Variants in MROH9 observed in about 807,000 individuals in gnomAD.
The protein encoded by MROH9 is maestro heat-like repeat-containing protein family member 9.
A neutral mutation model predicts 98.2 loss-of-function variants in MROH9; 92 were observed. The ratio of observed to expected loss-of-function variants is 0.94; its 90% CI spans 0.79 to 1.11. The LOEUF is 1.11. Ranked by LOEUF, MROH9 falls within the 50% of genes most tolerant of loss-of-function variation. MROH9 has a pLI of 0.00. For synonymous variants in MROH9, 397 were observed against 368.9 expected (o/e 1.08, Z -0.87); for missense variants, 1,057 against 1,014.8 (o/e 1.04, Z -0.57).
intron 7 of MROH9, among the ~76,000 whole-genome samples, chr1:170,965,655 C>T (rs1406419836): frequency 6.6e-6 from 1 of 152,058 alleles, no homozygotes; most frequent in Non-Finnish European, 1.5e-5. Context: ...CAAGTTCTTT[C>T]ATTGTGAAAC....
intron 3 of MROH9, among the ~76,000 whole-genome samples, chr1:170,957,072 C>A (rs1264720566): frequency 6.7e-6 from 1 of 148,688 alleles, no homozygotes; most frequent in Non-Finnish European, 1.5e-5. Context: ...GGATATTAAC[C>A]CCTTATCTGA....
At position 171,062,211 on chromosome 1, in the gene MROH9, T is replaced by C; in HGVS notation, c.2344+17T>C. Reference sequence around the variant, plus strand: ...TGCTTGATGGTGAGTATTGAGGTTATAACAAAATCTTTATGCATAAATCTA... The same window carrying C: ...TGCTTGATGGTGAGTATTGAGGTTACAACAAAATCTTTATGCATAAATCTA... On this transcript the variant is annotated intron_variant, in intron 21 of 21. Coordinates refer to ENST00000367759, the MANE Select transcript of MROH9 (RefSeq NM_001163629.2). 1 of 1,512,670 alleles carries C rather than the reference T, an allele frequency of 6.6e-7. No individual in the cohort carries two copies. Among genetic ancestry groups the C allele is most frequent in the Non-Finnish European group, 9.0e-7 (1 of 1,114,412 alleles). The allele number at this position is 1,512,670 out of a possible 1,614,324, so 93.7% of individuals were successfully genotyped here. A position where few individuals can be genotyped will look rare whatever the true frequency, so the allele number is the denominator to read the frequency against.
Position 170,986,560 on chromosome 1 carries a change from G to A in MROH9, c.730-1G>A, listed in dbSNP as rs1651139872. 6.2e-7 allele frequency: 1 copy of A among 1,612,372 alleles called. No homozygotes were observed. Among genetic ancestry groups the A allele is most frequent in the Non-Finnish European group, 8.5e-7 (1 of 1,179,228 alleles). On this transcript the variant is annotated splice_acceptor_variant, in intron 9 of 21. Transcript: ENST00000367759. LOFTEE classifies it high-confidence loss of function. ...GTCATGATTATCCTTTGTGGTTGCA[G>A]AGAGTAGGGCAAACCTTACTGCCTC...
At chr1:170,962,033 G>A in intron 6 of MROH9, 57 bp downstream of exon 6, 1 of 930,098 alleles carries the variant, frequency 1.1e-6, no homozygotes, top group Non-Finnish European at 1.6e-6. Context: ...TGCTCACTAT[G>A]CTTCACTTTC....
At chr1:170,999,356 T>C (rs1321906952) in intron 15 of MROH9, among the ~76,000 whole-genome samples, 4 of 152,158 alleles carry the variant, frequency 2.6e-5, no homozygotes, top group African/African-American at 9.7e-5. Context: ...CATTGTATCA[T>C]TCTTATGCCT....
intron 13 of MROH9, among the ~76,000 whole-genome samples, chr1:170,995,973 G>T (rs1004186170): frequency 5.3e-5 from 8 of 152,168 alleles, no homozygotes; most frequent in South Asian, 4.1e-4. Flanking sequence ...TTAATTTGTG[G>T]TTGGAGATGT....
chr1:170,986,514 T>C (rs1223454124), intron 9 of MROH9, 47 bp from the exon 10 acceptor site: 1 of 1,579,438 alleles, frequency 6.3e-7, no homozygotes, highest in Non-Finnish European at 8.6e-7. Flanking sequence ...CTGTCTTATG[T>C]TGGTGTGAGT....
chr1:171,049,630 A>C (rs1653598203), intron 20 of MROH9, among the ~76,000 whole-genome samples: 2 of 151,888 alleles, frequency 1.3e-5, no homozygotes, highest in African/African-American at 4.8e-5. Context: ...TTTTGAAAAA[A>C]TGTCTGTTCA....
chr1:170,959,066 A>G (rs1399269368), intron 4 of MROH9, among the ~76,000 whole-genome samples: 1 of 152,064 alleles, frequency 6.6e-6, no homozygotes, highest in African/African-American at 2.4e-5. Flanking sequence ...GCTGAACCTC[A>G]TTTTTGCTTA....
intron 3 of MROH9, among the ~76,000 whole-genome samples, chr1:170,954,590 G>A (rs761925888): frequency 3.3e-5 from 5 of 151,940 alleles, no homozygotes; most frequent in Non-Finnish European, 7.4e-5. Context: ...TTCCCATGTG[G>A]TTGTTTTCAT....
intron 3 of MROH9, among the ~76,000 whole-genome samples, chr1:170,956,590 T>G (rs557549973): frequency 4.1e-5 from 5 of 120,566 alleles, no homozygotes; most frequent in Admixed American, 3.4e-4. Flanking sequence ...TCCTTTTTTT[T>G]TTTTGTTTTT....
At chr1:170,942,899 G>A (rs1410388253) in intron 1 of MROH9, among the ~76,000 whole-genome samples, 1 of 152,110 alleles carries the variant, frequency 6.6e-6, no homozygotes, top group African/African-American at 2.4e-5. Flanking sequence ...GGTAAAGGAG[G>A]CCAATTCTGC....
At chr1:170,981,532 C>T (rs1054369836) in intron 8 of MROH9, among the ~76,000 whole-genome samples, 12 of 152,082 alleles carry the variant, frequency 7.9e-5, no homozygotes, top group Admixed American at 7.2e-4. Flanking sequence ...ACCACGTGTT[C>T]TCACTCTTAA....
At chr1:171,040,748 A>G (rs1306128798) in intron 20 of MROH9, among the ~76,000 whole-genome samples, 2 of 152,066 alleles carry the variant, frequency 1.3e-5, no homozygotes, top group African/African-American at 4.8e-5. Context: ...AGCACTCAGG[A>G]GAGTGTCTAG....
chr1:170,951,279 A>G (rs1162877894), intron 3 of MROH9, among the ~76,000 whole-genome samples: 1 of 152,112 alleles, frequency 6.6e-6, no homozygotes, highest in Non-Finnish European at 1.5e-5. Flanking sequence ...AACTCCATCA[A>G]TTTGTCTCTA....
chr1:170,936,859 T>C (rs1211488472), intron 1 of MROH9, among the ~76,000 whole-genome samples: 1 of 134,998 alleles, frequency 7.4e-6, no homozygotes, highest in Non-Finnish European at 1.6e-5. Flanking sequence ...AATCATTTCG[T>C]GGGGTGGGGG....
At chr1:171,041,925 T>C (rs1346080385) in intron 20 of MROH9, among the ~76,000 whole-genome samples, 6 of 152,082 alleles carry the variant, frequency 3.9e-5, no homozygotes, top group Non-Finnish European at 8.8e-5. Flanking sequence ...AAGCATGCAA[T>C]GTGAAATAAG....
At chr1:171,007,718 C>G (rs1234889617) in intron 15 of MROH9, among the ~76,000 whole-genome samples, 2 of 152,174 alleles carry the variant, frequency 1.3e-5, no homozygotes, top group Non-Finnish European at 2.9e-5. Flanking sequence ...CAGGCCACTG[C>G]TGAGAAGAGA....
intron 9 of MROH9, among the ~76,000 whole-genome samples, chr1:170,983,831 C>G (rs1030874267): frequency 3.3e-5 from 5 of 152,094 alleles, no homozygotes; most frequent in African/African-American, 1.2e-4. Flanking sequence ...AAATAGTTCA[C>G]TAAAAATGGA....
Sources: gnomAD v4.1 joint callset for allele counts (sites outside exome capture counted in the v4.1 genomes callset) on GRCh38, gnomAD v4.1.1 for gene constraint, MANE v1.5 for transcripts, NCBI Gene and HGNC (gene_info 2026-07-23, HGNC 2026-07-21) for gene names.